Variants in XKR6 observed in about 807,000 individuals in gnomAD.
The protein encoded by XKR6 is XK-related protein 6.
Under a neutral mutation model 56.7 loss-of-function variants are expected in XKR6, and 22 were observed. That is an observed-to-expected ratio of 0.39 (90% CI 0.28 to 0.55). XKR6 has a LOEUF of 0.55. Among genes scored for constraint, XKR6 ranks in the 20% least tolerant of loss-of-function variants. XKR6 has a pLI of 0.66. For missense variants in XKR6, 852 were observed against 889.0 expected, an observed-to-expected ratio of 0.96 and a Z score of 0.53; for synonymous variants, 524 against 387.8, an observed-to-expected ratio of 1.35 and a Z score of -4.13.
intron 2 of XKR6, among the ~76,000 whole-genome samples, chr8:10,903,777 C>A (rs117458534): frequency 6.6e-6 from 1 of 152,138 alleles, no homozygotes; most frequent in Non-Finnish European, 1.5e-5. Flanking sequence ...CCAGTAGCAC[C>A]TTGATCTGCA....
At chr8:11,077,114 C>T (rs2129168781) in intron 1 of XKR6, among the ~76,000 whole-genome samples, 1 of 152,190 alleles carries the variant, frequency 6.6e-6, no homozygotes, top group East Asian at 1.9e-4. Context: ...GAGTTTGAGG[C>T]TACAGTGAGC....
chr8:11,123,896 C>T, intron 1 of XKR6: 1 of 456,126 alleles, frequency 2.2e-6, no homozygotes, highest in South Asian at 1.5e-5. Context: ...TCTGGGACTG[C>T]CCTTCCCTCC....
intron 1 of XKR6, chr8:11,123,878 C>A: frequency 2.2e-6 from 1 of 456,300 alleles, no homozygotes; most frequent in Admixed American, 2.3e-5. Context: ...CTGCACTGTG[C>A]TCTCTCTTCT....
At chr8:11,167,663 G>C (rs917927351) in intron 1 of XKR6, among the ~76,000 whole-genome samples, 3 of 152,128 alleles carry the variant, frequency 2.0e-5, no homozygotes, top group African/African-American at 7.2e-5. Context: ...AACCCAGGAA[G>C]ACCTTAAGCT....
At chr8:10,914,117 G>A (rs953756567) in intron 2 of XKR6, among the ~76,000 whole-genome samples, 4 of 152,158 alleles carry the variant, frequency 2.6e-5, no homozygotes, top group African/African-American at 9.7e-5. Context: ...AGGATTGAAT[G>A]GGTCTATGGG....
intron 1 of XKR6, among the ~76,000 whole-genome samples, chr8:10,976,469 A>T (rs1258955871): frequency 6.6e-6 from 1 of 152,094 alleles, no homozygotes; most frequent in Non-Finnish European, 1.5e-5. Flanking sequence ...TGAGAACCAG[A>T]TACGCCTGCA....
intron 1 of XKR6, among the ~76,000 whole-genome samples, chr8:10,951,309 G>T (rs1304421459): frequency 1.3e-5 from 2 of 148,864 alleles, no homozygotes; most frequent in South Asian, 2.1e-4. Context: ...GGGGGGGGGG[G>T]GCCCCCACAG....
chr8:11,184,380 TACACACATACACAC>T (rs1046157425), intron 1 of XKR6, among the ~76,000 whole-genome samples: 5 of 128,782 alleles, frequency 3.9e-5, no homozygotes, highest in Non-Finnish European at 6.3e-5. Flanking sequence ...TATATATATA[TACACACATACACAC>T]ACACACACAC....
chr8:11,088,137 A>C (rs1436919945), intron 1 of XKR6, among the ~76,000 whole-genome samples: 1 of 152,240 alleles, frequency 6.6e-6, no homozygotes, highest in East Asian at 1.9e-4. Flanking sequence ...GTCAGGTCAG[A>C]AAGATATTTC....
intron 1 of XKR6, among the ~76,000 whole-genome samples, chr8:10,977,516 C>A (rs1056707692): frequency 6.6e-6 from 1 of 151,152 alleles, no homozygotes; most frequent in Non-Finnish European, 1.5e-5. Flanking sequence ...TGGATGCAAC[C>A]CAAAATATGT....
chr8:11,039,130 C>T (rs957815244), intron 1 of XKR6, among the ~76,000 whole-genome samples: 5 of 152,124 alleles, frequency 3.3e-5, no homozygotes, highest in Admixed American at 1.3e-4. Context: ...ATCACACCGC[C>T]GAGGACAAGA....
chr8:11,057,214 C>A (rs1446007309), intron 1 of XKR6, among the ~76,000 whole-genome samples: 2 of 152,094 alleles, frequency 1.3e-5, no homozygotes, highest in Non-Finnish European at 1.5e-5. Context: ...CTATAAGGAG[C>A]CCCCCTACTC....
At chr8:10,972,772 T>C (rs927583864) in intron 1 of XKR6, among the ~76,000 whole-genome samples, 2 of 152,226 alleles carry the variant, frequency 1.3e-5, no homozygotes, top group Non-Finnish European at 2.9e-5. Context: ...TAATAAGACA[T>C]CTGGAGATGG....
Position 11,200,889 on chromosome 8 carries a change from G to T in XKR6, c.451C>A (p.Leu151Ile). 1 of 1,611,102 alleles carries T rather than the reference G, an allele frequency of 6.2e-7. No individual in the cohort carries two copies. Among genetic ancestry groups the T allele is most frequent in the Non-Finnish European group, 8.5e-7 (1 of 1,179,372 alleles). Residue 151 changes from leucine to isoleucine, a missense_variant, in exon 1 of 3, where the codon CTC becomes ATC. Physicochemically the swap from Leu to Ile is conservative, Grantham distance 5. Around this residue, in one of 4 missense-constraint regions of XKR6, gnomAD observed 417 missense variants for 355.2 expected, o/e 1.17. Coordinates refer to ENST00000416569, the MANE Select transcript of XKR6 (RefSeq NM_173683.4). The surrounding 1 kb of genome is among the most constrained non-coding windows in gnomAD (Gnocchi z 6.4). ...GDVGTDLWLA[L>I]DYYRKGDYVY... Reference sequence around the variant, plus strand: ...TAGTCCCCCTTGCGGTAGTAGTCGAGGGCCAGCCACAGGTCGGTGCCCACG... The same window carrying T: ...TAGTCCCCCTTGCGGTAGTAGTCGATGGCCAGCCACAGGTCGGTGCCCACG...
chr8:11,069,216 A>C (rs912824196), intron 1 of XKR6, among the ~76,000 whole-genome samples: 2 of 148,474 alleles, frequency 1.3e-5, no homozygotes, highest in Admixed American at 6.7e-5. Context: ...GGCAGGTTCC[A>C]CTCTCCAACC....
intron 1 of XKR6, among the ~76,000 whole-genome samples, chr8:11,100,614 G>C (rs889450466): frequency 1.3e-5 from 2 of 152,160 alleles, no homozygotes; most frequent in Non-Finnish European, 2.9e-5. Flanking sequence ...CTACAACTAA[G>C]ACAGCATTCA....
chr8:10,942,367 G>T (rs1028826400), intron 1 of XKR6, among the ~76,000 whole-genome samples: 3 of 152,308 alleles, frequency 2.0e-5, no homozygotes, highest in Non-Finnish European at 2.9e-5. Context: ...ACAGATACGT[G>T]TGGACACACA....
intron 1 of XKR6, among the ~76,000 whole-genome samples, chr8:11,186,707 T>A (rs1473638268): frequency 6.6e-6 from 1 of 152,172 alleles, no homozygotes; most frequent in East Asian, 1.9e-4. Context: ...GAAACAGTTA[T>A]ACTTTCTCTA....
intron 1 of XKR6, among the ~76,000 whole-genome samples, chr8:10,942,828 C>A (rs1259851572): frequency 2.0e-5 from 3 of 152,238 alleles, no homozygotes; most frequent in Non-Finnish European, 4.4e-5. Context: ...GGAGTCCTGA[C>A]TTGCAGCCAC....
Sources: allele counts gnomAD v4.1 joint callset (sites outside exome capture counted in the v4.1 genomes callset), GRCh38; gene constraint gnomAD v4.1.1; regional missense constraint gnomAD v4.1.1; non-coding constraint Gnocchi (gnomAD v3.1); transcripts MANE v1.5; gene names NCBI Gene and HGNC (gene_info 2026-07-23, HGNC 2026-07-21).